OSBP2: variants seen among roughly 807,000 people sequenced by gnomAD.
OSBP2 encodes oxysterol binding protein 2, also known as oxysterol-binding protein 2.
In OSBP2, 66 loss-of-function variants were observed where a neutral mutation model predicts 96.0. The observed-to-expected ratio is 0.69, with a 90% CI of 0.56 to 0.84. OSBP2 has a LOEUF of 0.84. Among genes scored for constraint, OSBP2 ranks in the 40% least tolerant of loss-of-function variants. The pLI is 0.00. For missense variants in OSBP2, 1,038 were observed against 1,222.7 expected (o/e 0.85, Z 2.25); for synonymous variants, 525 against 520.9 (o/e 1.01, Z -0.11).
intron 2 of OSBP2, among the ~76,000 whole-genome samples, chr22:30,843,444 T>TCC (rs35971934): frequency 0.019 from 2,330 of 119,880 alleles, 44 homozygotes; most frequent in African/African-American, 0.06. Flanking sequence ...CAGGAATCTT[T>TCC]CCCCCCTCCC....
intron 2 of OSBP2, among the ~76,000 whole-genome samples, chr22:30,742,798 A>T (rs2089956584): frequency 6.6e-6 from 1 of 152,160 alleles, no homozygotes; most frequent in African/African-American, 2.4e-5. Context: ...TGCCATGAGT[A>T]ACCTTGCAAG....
chr22:30,905,503 A>G (rs184197438), intron 12 of OSBP2, among the ~76,000 whole-genome samples: 1 of 152,246 alleles, frequency 6.6e-6, no homozygotes, highest in East Asian at 1.9e-4. Context: ...AACTGTCTCA[A>G]AAAAGAAGAA....
chr22:30,773,966 G>A (rs1183405924), intron 2 of OSBP2, among the ~76,000 whole-genome samples: 2 of 152,124 alleles, frequency 1.3e-5, no homozygotes, highest in Non-Finnish European at 2.9e-5. Context: ...CGCAGTGGGG[G>A]CCAGGGATGC....
chr22:30,779,247 AATTT>A (rs1282863292), intron 2 of OSBP2, among the ~76,000 whole-genome samples: 6 of 108,248 alleles, frequency 5.5e-5, no homozygotes, highest in African/African-American at 2.8e-4. Flanking sequence ...ACACCCAGCT[AATTT>A]TTTTTTTTTT....
Position 30,890,315 on chromosome 22 carries a change from C to A in OSBP2, c.1624-413C>A, listed in dbSNP as rs915375937. 6.6e-6 allele frequency among the ~76,000 whole-genome samples: 1 copy of A among 151,938 alleles called. No individual in the cohort carries two copies. Among genetic ancestry groups the A allele is most frequent in the African/African-American group, 2.4e-5 (1 of 41,364 alleles). ...GGCCTTGGGCCTAACCCATCCTGTG[C>A]CGGGCCCCATCACAGCTCGCAACAT... On this transcript the variant is annotated intron_variant, in intron 7 of 13. Transcript: ENST00000332585. This position sits in a 1 kb window ranked among gnomAD's most constrained non-coding sequence, Gnocchi z 4.4.
chr22:30,779,150 C>T (rs1375497739), intron 2 of OSBP2, among the ~76,000 whole-genome samples: 3 of 151,460 alleles, frequency 2.0e-5, no homozygotes, highest in East Asian at 2.0e-4. Context: ...GGCCTGATCT[C>T]GGCTCACTGC....
chr22:30,905,845 C>T lies in OSBP2; in HGVS notation c.2384C>T (p.Ala795Val). 6.2e-7 allele frequency: 1 copy of T among 1,613,146 alleles called. No homozygotes were observed. Among genetic ancestry groups the T allele is most frequent in the Non-Finnish European group, 8.5e-7 (1 of 1,179,568 alleles). Residue 795 changes from alanine to valine, a missense_variant, in exon 13 of 14, where the codon GCG becomes GTG. By Grantham distance (64) the Ala-to-Val change is moderately conservative. Coordinates refer to ENST00000332585, the MANE Select transcript of OSBP2 (RefSeq NM_030758.4). ...CACCACCACCGCCACAGGGAGAACGCGGAGAACATGTACTACTTCTCAGAG... is the reference window on the plus strand; with the variant it reads ...CACCACCACCGCCACAGGGAGAACGTGGAGAACATGTACTACTTCTCAGAG... ...LWKKYPLPEN[A>V]ENMYYFSELA...
chr22:30,702,326 C>T (rs911409533), intron 1 of OSBP2, among the ~76,000 whole-genome samples: 3 of 152,064 alleles, frequency 2.0e-5, no homozygotes, highest in African/African-American at 4.8e-5. Flanking sequence ...TCAATAGTAC[C>T]TTCTCTGCTG....
At position 30,767,407 on chromosome 22, in the gene OSBP2, C is replaced by T. The variant is rs186849408; in HGVS notation, c.853+26038C>T. On this transcript the variant is annotated intron_variant, in intron 2 of 13. Transcript: ENST00000332585. Reference sequence around the variant, plus strand: ...CCTGTCACCCAGATGCCACAGTTACCAGCTACCAGCTCATGGCCAGCCTTG... The same window carrying T: ...CCTGTCACCCAGATGCCACAGTTACTAGCTACCAGCTCATGGCCAGCCTTG... Among the ~76,000 whole-genome samples the T allele has an allele frequency of 1.5e-4, 23 of 152,282 alleles. No individual in the cohort carries two copies. The East Asian group carries it at 3.7e-3, about 24-fold the overall frequency.
intron 1 of OSBP2, among the ~76,000 whole-genome samples, chr22:30,705,764 T>C (rs994157017): frequency 9.8e-5 from 15 of 152,308 alleles, no homozygotes; most frequent in Non-Finnish European, 2.1e-4. Context: ...ATATTGTTTA[T>C]TGATCTCCTG....
In OSBP2 at chr22:30,906,384, A is replaced by AAT. The variant is rs1171162736; in HGVS notation, c.*45_*46insAT. ...TACAGGCGCCTGCACAGCCTGGCCC[A>AAT]CCTGTTCATTAATGCACTCAATTTA... On this transcript the variant is annotated 3_prime_UTR_variant, in exon 14 of 14. Transcript: ENST00000332585. 1.3e-6 allele frequency: 2 copies of AAT among 1,543,072 alleles called. No individual in the cohort carries two copies. The highest frequency in any genetic ancestry group is 3.9e-5 in the Admixed American group (2 of 50,854).
chr22:30,902,142 A>C lies in OSBP2; in HGVS notation c.2376-3695A>C, dbSNP rs1440550246. 8.0e-6 allele frequency: 3 copies of C among 375,900 alleles called. No homozygotes were observed. The East Asian group carries it at 1.3e-4, about 16-fold the overall frequency. The allele number at this position is 375,900 out of a possible 1,614,324, so 23.3% of individuals were successfully genotyped here. On this transcript the variant is annotated intron_variant, in intron 12 of 13. Coordinates refer to ENST00000332585, the MANE Select transcript of OSBP2 (RefSeq NM_030758.4). ...AAAAAAAACGAAAAAAAAAAAACCA[A>C]AAAAAAAAAACAGAGGGTCCCACGG...
At chr22:30,744,929 A>C (rs2089979892) in intron 2 of OSBP2, among the ~76,000 whole-genome samples, 1 of 152,216 alleles carries the variant, frequency 6.6e-6, no homozygotes, top group Non-Finnish European at 1.5e-5. Context: ...AGGCCACAAA[A>C]CAAGTCTCAA....
intron 2 of OSBP2, among the ~76,000 whole-genome samples, chr22:30,767,181 G>T (rs79312107): frequency 6.9e-6 from 1 of 144,988 alleles, no homozygotes; most frequent in Non-Finnish European, 1.5e-5. Context: ...GTTGTGGCAC[G>T]CACCTGAAAT....
chr22:30,854,268 C>T (rs966938774), intron 2 of OSBP2, among the ~76,000 whole-genome samples: 134 of 150,266 alleles, frequency 8.9e-4, no homozygotes, highest in Non-Finnish European at 1.4e-3. Flanking sequence ...CTACAATACA[C>T]TTTGTTTTCT....
chr22:30,721,673 G>A (rs2089555165), intron 1 of OSBP2, among the ~76,000 whole-genome samples: 1 of 152,132 alleles, frequency 6.6e-6, no homozygotes, highest in African/African-American at 2.4e-5. Context: ...CTATAATACT[G>A]GAGGCCATGA....
intron 2 of OSBP2, among the ~76,000 whole-genome samples, chr22:30,824,061 C>G (rs2038342959): frequency 6.6e-6 from 1 of 152,168 alleles, no homozygotes; most frequent in South Asian, 2.1e-4. Flanking sequence ...GAGCATTGGA[C>G]CCGATGTCTG....
chr22:30,852,001 C>A (rs1048045066), intron 2 of OSBP2, among the ~76,000 whole-genome samples: 1 of 152,050 alleles, frequency 6.6e-6, no homozygotes, highest in Non-Finnish European at 1.5e-5. Context: ...AACCTTAAAC[C>A]TTGCACGCCT....
At chr22:30,857,201 AGCAGGCATGTGGGT>A (rs773170575) in intron 2 of OSBP2, among the ~76,000 whole-genome samples, 62 of 152,374 alleles carry the variant, frequency 4.1e-4, no homozygotes, top group Non-Finnish European at 7.1e-4. Context: ...CACTCAGTCC[AGCAGGCATGTGGGT>A]GCAGGAGGTG....
Sources: allele counts gnomAD v4.1 joint callset (sites outside exome capture counted in the v4.1 genomes callset), GRCh38; gene constraint gnomAD v4.1.1; non-coding constraint Gnocchi (gnomAD v3.1); transcripts MANE v1.5; gene names NCBI Gene and HGNC (gene_info 2026-07-23, HGNC 2026-07-21).